KDM4C: variants seen among roughly 807,000 people sequenced by gnomAD.
The protein encoded by KDM4C is lysine demethylase 4C.
KDM4C carries 81 observed loss-of-function variants against 129.3 expected under a neutral mutation model. The ratio of observed to expected loss-of-function variants is 0.63; its 90% CI spans 0.52 to 0.75. The LOEUF (loss-of-function observed/expected upper bound fraction) is 0.75. Ranked by LOEUF, KDM4C falls within the 30% of genes least tolerant of loss-of-function variation. The probability of loss-of-function intolerance (pLI) is 0.00; values close to 1 mark genes in which losing one functional copy is unlikely to be tolerated. For synonymous variants in KDM4C, 573 were observed against 456.1 expected, an observed-to-expected ratio of 1.26 and a Z score of -3.26; for missense variants, 1,457 against 1,304.0, an observed-to-expected ratio of 1.12 and a Z score of -1.81.
chr9:6,757,587 C>T (rs1818433466), upstream of KDM4C: 1 of 971,932 alleles, frequency 1.0e-6, no homozygotes, highest in South Asian at 4.8e-5. Flanking sequence ...CTCTCCAGTA[C>T]ATTCCGAGGC....
At chr9:6,742,364 C>T (rs528901080) in intron 1 of KDM4C, among the ~76,000 whole-genome samples, 1 of 152,078 alleles carries the variant, frequency 6.6e-6, no homozygotes, top group African/African-American at 2.4e-5. Flanking sequence ...TGATTGCAAT[C>T]TATCTCAATT....
chr9:6,981,519 TC>T (rs1261829840), intron 9 of KDM4C, among the ~76,000 whole-genome samples: 12 of 152,248 alleles, frequency 7.9e-5, no homozygotes, highest in African/African-American at 2.7e-4. Flanking sequence ...TTGTCCAACA[TC>T]TGAGCTACTG....
chr9:7,011,703 C>T lies in KDM4C; in HGVS notation c.1792C>T (p.Pro598Ser), dbSNP rs1822727420. Residue 598 changes from proline to serine, a missense_variant, in exon 13 of 22, where the codon CCT becomes TCT. By Grantham distance (74) the Pro-to-Ser change is moderately conservative. Coordinates refer to ENST00000381309, the MANE Select transcript of KDM4C (RefSeq NM_015061.6). ...KQQAPSDEEL[P>S]EVLSIEEEVE... ...TTCCTGCCTTCTCCCTTAAGAATTGCCTGAGGTTCTGTCCATTGAGGAGGA... is the reference window on the plus strand; with the variant it reads ...TTCCTGCCTTCTCCCTTAAGAATTGTCTGAGGTTCTGTCCATTGAGGAGGA... 1 of 1,613,906 alleles carries T rather than the reference C, an allele frequency of 6.2e-7. No individual in the cohort carries two copies. Among genetic ancestry groups the T allele is most frequent in the South Asian group, 1.1e-5 (1 of 91,082 alleles).
intron 1 of KDM4C, chr9:6,723,910 T>C (rs1817043214): frequency 6.6e-6 from 1 of 152,190 alleles, no homozygotes; most frequent in African/African-American, 2.4e-5. Context: ...CTGAATATAT[T>C]GTAAGAACAG....
At chr9:7,169,774 T>C (rs1006158071) in intron 20 of KDM4C, 24 bp from the exon 21 acceptor site, 1 of 1,576,632 alleles carries the variant, frequency 6.3e-7, no homozygotes. Flanking sequence ...TTAATATGTA[T>C]CATGTTATAT....
intron 8 of KDM4C, among the ~76,000 whole-genome samples, chr9:6,946,716 C>G (rs1478965680): frequency 1.3e-5 from 2 of 151,990 alleles, no homozygotes; most frequent in Non-Finnish European, 2.9e-5. Context: ...CAGTATGTCA[C>G]TCATGTTCTT....
intron 17 of KDM4C, among the ~76,000 whole-genome samples, chr9:7,073,794 C>T (rs867794596): frequency 2.0e-5 from 3 of 152,270 alleles, no homozygotes; most frequent in Middle Eastern, 3.4e-3. Flanking sequence ...AATTGTAGTT[C>T]ACTCTTGCCT....
chr9:7,014,005 A>C lies in KDM4C; in HGVS notation c.2182+4A>C, dbSNP rs1358073731. 6.2e-7 allele frequency: 1 copy of C among 1,607,898 alleles called. No homozygotes were observed. Among genetic ancestry groups the C allele is most frequent in the East Asian group, 2.2e-5 (1 of 44,816 alleles). On this transcript the variant is annotated splice_donor_region_variant and intron_variant, in intron 14 of 21. Transcript: ENST00000381309. ...TGCTGCGTACGGGTTCATGCAAGTA[A>C]ATGGATCTATAATTCATCAATCACT... is the stretch of plus-strand genomic sequence containing the variant.
intron 4 of KDM4C, 59 bp downstream of exon 4, chr9:6,814,804 C>A: frequency 3.6e-6 from 4 of 1,115,648 alleles, no homozygotes; most frequent in South Asian, 2.8e-5. Flanking sequence ...GTTTTGTTAC[C>A]ATTTAAGCAG....
At chr9:6,759,084 G>A (rs911134248) in intron 1 of KDM4C, among the ~76,000 whole-genome samples, 2 of 152,110 alleles carry the variant, frequency 1.3e-5, no homozygotes, top group Non-Finnish European at 1.5e-5. Flanking sequence ...CCTTCTTCCG[G>A]AAGAGACAAG....
chr9:6,903,459 T>C (rs918689721), intron 8 of KDM4C, among the ~76,000 whole-genome samples: 6 of 152,182 alleles, frequency 3.9e-5, no homozygotes, highest in Non-Finnish European at 7.4e-5. Context: ...AGGAATATGA[T>C]TGGAGTAAGC....
intron 18 of KDM4C, among the ~76,000 whole-genome samples, chr9:7,112,492 A>G (rs1261344001): frequency 1.3e-5 from 2 of 152,138 alleles, no homozygotes; most frequent in Non-Finnish European, 1.5e-5. Flanking sequence ...TGGAGGTGGA[A>G]TTATAGGCCT....
chr9:7,101,934 C>G (rs1419756188), intron 17 of KDM4C, among the ~76,000 whole-genome samples: 1 of 152,130 alleles, frequency 6.6e-6, no homozygotes, highest in Admixed American at 6.5e-5. Context: ...TCTGCCATCA[C>G]ATTTCAAATA....
chr9:6,922,529 T>G, intron 8 of KDM4C, among the ~76,000 whole-genome samples: 1 of 152,232 alleles, frequency 6.6e-6, no homozygotes, highest in East Asian at 1.9e-4. Context: ...GGAGGATTGC[T>G]TGAGTCCAGA....
chr9:6,991,965 G>C (rs932081641), intron 12 of KDM4C, among the ~76,000 whole-genome samples: 1 of 151,856 alleles, frequency 6.6e-6, no homozygotes, highest in Admixed American at 6.6e-5. Flanking sequence ...AGTAATAGAA[G>C]TAATGAAACA....
intron 19 of KDM4C, among the ~76,000 whole-genome samples, chr9:7,153,326 G>A (rs1160237259): frequency 6.6e-6 from 1 of 152,190 alleles, no homozygotes; most frequent in Non-Finnish European, 1.5e-5. Context: ...AGTCCAAAGT[G>A]GTGTATCCCC....
Position 6,925,687 on chromosome 9 carries a change from A to G in KDM4C, c.921+32455A>G, listed in dbSNP as rs1179615398. The G allele has an allele frequency of 1.9e-5, 18 of 965,362 alleles. No individual in the cohort carries two copies. The South Asian group carries it at 2.9e-4, about 15-fold the overall frequency. 59.8% of individuals were successfully genotyped at this position (965,362 alleles called of 1,614,324 possible). ...TCGGAGAACTGTAAGGGAATTTTCC[A>G]ATTAGTTCTGTTTTTCTTTCTTTTT... On this transcript the variant is annotated intron_variant, in intron 8 of 21. Coordinates refer to ENST00000381309, the MANE Select transcript of KDM4C (RefSeq NM_015061.6).
intron 3 of KDM4C, among the ~76,000 whole-genome samples, chr9:6,812,966 G>A (rs543377656): frequency 2.0e-5 from 3 of 152,224 alleles, no homozygotes; most frequent in South Asian, 2.1e-4. Flanking sequence ...ACCTGAGGTC[G>A]GGAGTTCGAG....
At chr9:6,823,915 C>CT (rs1271861612) in intron 4 of KDM4C, among the ~76,000 whole-genome samples, 1 of 152,164 alleles carries the variant, frequency 6.6e-6, no homozygotes, top group Non-Finnish European at 1.5e-5. Context: ...GGTTTTTCTA[C>CT]TTTTTCAGGA....
Sources: gnomAD v4.1 joint callset for allele counts (sites outside exome capture counted in the v4.1 genomes callset) on GRCh38, gnomAD v4.1.1 for gene constraint, MANE v1.5 for transcripts, NCBI Gene and HGNC (gene_info 2026-07-23, HGNC 2026-07-21) for gene names.